The following DNAH3 variants were observed in gnomAD, a reference collection of about 807,000 sequenced individuals.
The protein encoded by DNAH3 is dynein axonemal heavy chain 3.
DNAH3 carries 332 observed loss-of-function variants against 432.5 expected under a neutral mutation model. The ratio of observed to expected loss-of-function variants is 0.77; its 90% CI spans 0.70 to 0.84. DNAH3 has a LOEUF of 0.84. Ranked by LOEUF, DNAH3 falls within the 40% of genes least tolerant of loss-of-function variation. The pLI, the probability that DNAH3 is intolerant of heterozygous loss-of-function variation, is 0.00. For synonymous variants in DNAH3, 1,956 were observed against 1,900.2 expected (o/e 1.03, Z -0.76); for missense variants, 4,861 against 5,114.0 (o/e 0.95, Z 1.51).
chr16:21,050,443 C>A (rs528860111), intron 29 of DNAH3, among the ~76,000 whole-genome samples: 1 of 152,088 alleles, frequency 6.6e-6, no homozygotes, highest in South Asian at 2.1e-4. Flanking sequence ...ATTATGAATT[C>A]TTTTTTTTCT....
At chr16:21,059,211 T>C (rs79498503) in intron 26 of DNAH3, among the ~76,000 whole-genome samples, 1 of 152,160 alleles carries the variant, frequency 6.6e-6, no homozygotes, top group Non-Finnish European at 1.5e-5. Flanking sequence ...GCCTGCAGAG[T>C]TGAAAATATT....
intron 44 of DNAH3, among the ~76,000 whole-genome samples, chr16:20,994,858 AT>A (rs57472246): frequency 1.3e-5 from 2 of 151,792 alleles, no homozygotes; most frequent in East Asian, 1.9e-4. Flanking sequence ...TTTTAAAAAA[AT>A]CCTCCTTTTA....
intron 22 of DNAH3, 74 bp from the exon 23 acceptor site, chr16:21,069,668 G>A (rs1358141936): frequency 3.2e-6 from 4 of 1,256,000 alleles, no homozygotes; most frequent in African/African-American, 1.5e-5. Flanking sequence ...GAGAGCAAAT[G>A]GATGGAGCCG....
At chr16:20,976,356 C>A (rs2085589957) in intron 50 of DNAH3, among the ~76,000 whole-genome samples, 1 of 152,098 alleles carries the variant, frequency 6.6e-6, no homozygotes, top group Admixed American at 6.6e-5. Context: ...CCACACCCAG[C>A]TAATTTTTGT....
chr16:21,156,481 C>T (rs570608763), intron 1 of DNAH3, among the ~76,000 whole-genome samples: 2 of 152,256 alleles, frequency 1.3e-5, no homozygotes, highest in East Asian at 3.9e-4. Flanking sequence ...ATCCACCCAC[C>T]TTGGCCTCCC....
At chr16:20,961,242 A>C (rs2084802763) in intron 53 of DNAH3, among the ~76,000 whole-genome samples, 1 of 152,172 alleles carries the variant, frequency 6.6e-6, no homozygotes, top group Non-Finnish European at 1.5e-5. Flanking sequence ...GTAACTGTTC[A>C]GTAGTTGGAG....
chr16:21,050,199 T>G (rs1042801263), intron 29 of DNAH3, among the ~76,000 whole-genome samples, 181 bp from the exon 30 acceptor site: 5 of 152,216 alleles, frequency 3.3e-5, no homozygotes, highest in Non-Finnish European at 7.3e-5. Flanking sequence ...AGTTAAAATT[T>G]TTCCCAATTA....
At chr16:21,135,601 G>A (rs898277526) in intron 6 of DNAH3, among the ~76,000 whole-genome samples, 3 of 152,174 alleles carry the variant, frequency 2.0e-5, no homozygotes, top group African/African-American at 7.2e-5. Flanking sequence ...GCTGAGGCAG[G>A]AGAATTGCGT....
chr16:21,020,375 CTATATA>C (rs752950422), intron 40 of DNAH3, among the ~76,000 whole-genome samples: 2 of 32,956 alleles, frequency 6.1e-5, no homozygotes, highest in African/African-American at 1.7e-4. Context: ...TATAAAATCA[CTATATA>C]TATATATATA....
chr16:21,143,040 G>A (rs2092740715), intron 3 of DNAH3, among the ~76,000 whole-genome samples: 1 of 152,126 alleles, frequency 6.6e-6, no homozygotes, highest in South Asian at 2.1e-4. Context: ...TCTCAAGCAA[G>A]GACATGAATA....
At chr16:20,984,957 G>A in intron 48 of DNAH3, 92 bp downstream of exon 48, 3 of 1,118,616 alleles carry the variant, frequency 2.7e-6, no homozygotes, top group East Asian at 4.8e-5. Context: ...ATCAACCCTG[G>A]GACCATTGTA....
intron 41 of DNAH3, among the ~76,000 whole-genome samples, chr16:21,012,924 G>A (rs1269898581): frequency 6.6e-6 from 1 of 151,924 alleles, no homozygotes; most frequent in African/African-American, 2.4e-5. Context: ...ACCACACCCA[G>A]CTAATTTTCG....
intron 22 of DNAH3, among the ~76,000 whole-genome samples, chr16:21,069,913 C>T (rs1180600289): frequency 6.6e-6 from 1 of 152,186 alleles, no homozygotes; most frequent in Non-Finnish European, 1.5e-5. Flanking sequence ...AATCCCACAG[C>T]CTTACAAGGT....
At position 21,119,819 on chromosome 16, in the gene DNAH3, A is replaced by T. The variant is rs1225358981; in HGVS notation, c.1699+921T>A. Among the ~76,000 whole-genome samples, 3 of 149,838 alleles carry T rather than the reference A, an allele frequency of 2.0e-5. No homozygotes were observed. The East Asian group carries it at 5.9e-4, about 29-fold the overall frequency. ...CACCATGTTGGCTAGGCTGGTATTG[A>T]ACTCCTGACCTCAGATGATCCAGCC... On this transcript the variant is annotated intron_variant, in intron 11 of 61. Transcript: ENST00000261383.
chr16:21,156,550 C>T (rs2092898694), intron 1 of DNAH3, among the ~76,000 whole-genome samples: 1 of 152,118 alleles, frequency 6.6e-6, no homozygotes, highest in Non-Finnish European at 1.5e-5. Flanking sequence ...GCACTAATCC[C>T]ATTTAGGAGG....
chr16:21,068,333 G>GGGGGGGGGGC (rs2090651731), intron 23 of DNAH3, among the ~76,000 whole-genome samples: 1 of 129,562 alleles, frequency 7.7e-6, no homozygotes, highest in Non-Finnish European at 1.6e-5. Context: ...GGTGGGGGGG[G>GGGGGGGGGGC]GGACAGAGTC....
intron 48 of DNAH3, 99 bp from the exon 49 acceptor site, chr16:20,982,985 G>A: frequency 7.4e-7 from 1 of 1,346,516 alleles, no homozygotes; most frequent in Non-Finnish European, 1.0e-6. Context: ...GTAAGTGGGG[G>A]CAGGCTTCCT....
chr16:21,020,561 C>T (rs569407951), intron 40 of DNAH3, among the ~76,000 whole-genome samples: 1 of 149,890 alleles, frequency 6.7e-6, no homozygotes, highest in Non-Finnish European at 1.5e-5. Context: ...CGCCACCTCA[C>T]CCTGCTAATT....
In DNAH3 at chr16:21,049,474, A is replaced by G. The variant is rs2089861469; in HGVS notation, c.4461+95T>C. On this transcript the variant is annotated intron_variant, in intron 31 of 61. Coordinates refer to ENST00000261383, the Ensembl canonical transcript of DNAH3. ...TGGAGGTTCTTGTGTCTGCCATACA[A>G]GAGATATAAGGCCCTGTTATTAAGG... 5 of 910,202 alleles carry G rather than the reference A, an allele frequency of 5.5e-6. No individual in the cohort carries two copies. In the East Asian group the frequency reaches 1.2e-4, roughly 22 times the overall value. The allele number at this position is 910,202 out of a possible 1,614,324, so 56.4% of individuals were successfully genotyped here.
Sources: gnomAD v4.1 joint callset for allele counts (sites outside exome capture counted in the v4.1 genomes callset) on GRCh38, gnomAD v4.1.1 for gene constraint, MANE v1.5 for transcripts, NCBI Gene and HGNC (gene_info 2026-07-23, HGNC 2026-07-21) for gene names.